The following CDC27 variants were observed in gnomAD, a reference collection of about 807,000 sequenced individuals.
CDC27 encodes the protein cell division cycle 27.
A neutral mutation model predicts 109.7 loss-of-function variants in CDC27; 27 were observed. That is an observed-to-expected ratio of 0.25 (90% CI 0.18 to 0.34). The LOEUF (loss-of-function observed/expected upper bound fraction) is 0.34. Among genes scored for constraint, CDC27 ranks in the 10% least tolerant of loss-of-function variants. The pLI, the probability that CDC27 is intolerant of heterozygous loss-of-function variation, is 1.00. For synonymous variants in CDC27, 266 were observed against 333.9 expected, an observed-to-expected ratio of 0.80 and a Z score of 2.22; for missense variants, 579 against 960.2, an observed-to-expected ratio of 0.60 and a Z score of 5.25.
intron 4 of CDC27, among the ~76,000 whole-genome samples, chr17:47,167,935 G>C (rs1268794220): frequency 6.6e-6 from 1 of 152,194 alleles, no homozygotes; most frequent in Admixed American, 6.5e-5. Flanking sequence ...ATTCAGGTTT[G>C]ATGAATTTGC....
intron 4 of CDC27, chr17:47,159,162 A>T: frequency 2.7e-6 from 1 of 376,274 alleles, no homozygotes; most frequent in Non-Finnish European, 4.8e-6. Context: ...TCCAGGCTTA[A>T]TTCACTTTAT....
At chr17:47,186,730 G>A (rs1326757676) in intron 1 of CDC27, among the ~76,000 whole-genome samples, 1 of 151,758 alleles carries the variant, frequency 6.6e-6, no homozygotes, top group South Asian at 2.1e-4. Context: ...ATGGTATATC[G>A]GACTGGCCAT....
intron 15 of CDC27, 109 bp downstream of exon 15, chr17:47,132,148 A>T: frequency 1.6e-6 from 1 of 619,822 alleles, no homozygotes; most frequent in Non-Finnish European, 2.9e-6. Context: ...GCTCCAGAAT[A>T]CTGTTTCAAC....
intron 14 of CDC27, among the ~76,000 whole-genome samples, chr17:47,134,292 CT>C (rs2062497092): frequency 6.7e-6 from 1 of 148,740 alleles, no homozygotes; most frequent in African/African-American, 2.5e-5. Context: ...AACCACACCC[CT>C]AAACCCATAT....
chr17:47,141,643 C>A (rs969342345), intron 12 of CDC27, among the ~76,000 whole-genome samples: 1 of 152,084 alleles, frequency 6.6e-6, no homozygotes, highest in Admixed American at 6.6e-5. Flanking sequence ...TCTCTATAAA[C>A]CTATTCCGAG....
chr17:47,181,685 C>T (rs1428571078), intron 1 of CDC27, 48 bp from the exon 2 acceptor site: 1 of 1,027,756 alleles, frequency 9.7e-7, no homozygotes, highest in Non-Finnish European at 1.5e-6. Context: ...TACAGACTTT[C>T]AAGGTAACTA....
intron 16 of CDC27, among the ~76,000 whole-genome samples, chr17:47,126,535 C>G (rs2062145524): frequency 6.6e-6 from 1 of 152,130 alleles, no homozygotes; most frequent in Non-Finnish European, 1.5e-5. Flanking sequence ...ACAAAAATGG[C>G]TATCACTATA....
intron 14 of CDC27, 55 bp from the exon 15 acceptor site, chr17:47,132,429 T>G: frequency 1.3e-6 from 1 of 750,848 alleles, no homozygotes; most frequent in Non-Finnish European, 2.1e-6. Context: ...GGTTGCTAAT[T>G]TAGTTCAATT....
chr17:47,178,001 G>A (rs1457856484), intron 2 of CDC27, among the ~76,000 whole-genome samples: 1 of 152,090 alleles, frequency 6.6e-6, no homozygotes, highest in East Asian at 1.9e-4. Context: ...ATTAACAAAA[G>A]AGAAAAACCT....
intron 14 of CDC27, among the ~76,000 whole-genome samples, chr17:47,133,599 C>G (rs2062466168): frequency 6.6e-6 from 1 of 151,598 alleles, no homozygotes; most frequent in Admixed American, 6.6e-5. Flanking sequence ...GCCACCACAC[C>G]CAGCTAATTT....
chr17:47,146,405 T>C (rs1286111919), intron 9 of CDC27, among the ~76,000 whole-genome samples: 1 of 152,174 alleles, frequency 6.6e-6, no homozygotes, highest in Non-Finnish European at 1.5e-5. Flanking sequence ...TGTGCTAAGT[T>C]TGGGTAGTTA....
Position 47,127,410 on chromosome 17 carries a change from G to GT in CDC27, c.2160+1982dup, listed in dbSNP as rs547568828. Among the ~76,000 whole-genome samples, 875 of 150,578 alleles carry GT rather than the reference G, an allele frequency of 5.8e-3. 6 individuals carry two copies. Among genetic ancestry groups the GT allele is most frequent in the Admixed American group, 8.8e-3 (133 of 15,060 alleles). On this transcript the variant is annotated intron_variant, in intron 16 of 18. Coordinates refer to ENST00000066544, the MANE Select transcript of CDC27 (RefSeq NM_001256.6). ...TATATCTTTATTAGCCTATTTTTAC[G>GT]TTTTTTTTTGAGATGGAGTTTCACT...
chr17:47,138,572 C>T (rs1243217285), intron 13 of CDC27, among the ~76,000 whole-genome samples, 167 bp downstream of exon 13: 1 of 152,160 alleles, frequency 6.6e-6, no homozygotes, highest in Non-Finnish European at 1.5e-5. Flanking sequence ...CTGCACCACA[C>T]ATTCTAGGAC....
chr17:47,151,276 G>T (rs1817665270), intron 9 of CDC27, among the ~76,000 whole-genome samples: 1 of 152,158 alleles, frequency 6.6e-6, no homozygotes. Flanking sequence ...ATGCACACCT[G>T]TGTGTATGTC....
At chr17:47,134,785 CTTT>C (rs376654308) in intron 14 of CDC27, among the ~76,000 whole-genome samples, 1 of 125,004 alleles carries the variant, frequency 8.0e-6, no homozygotes. Flanking sequence ...TAATTGTTTT[CTTT>C]TTTTTTTTTT....
In CDC27 at chr17:47,137,224, G is replaced by A. The variant is rs1228643540; in HGVS notation, c.1841C>T (p.Thr614Ile). ...AGCTAATGCTTTGTCCAATTCTTCA[G>A]TTAAGACAAACTCATGCCCTAATAG... ...YTLLGHEFVL[T>I]EELDKALACF... Residue 614 changes from threonine (T) to isoleucine (I), a missense_variant, in exon 14 of 19, where the codon ACT becomes ATT. By Grantham distance (89) the Thr-to-Ile change is moderately conservative. This residue lies in a region of CDC27 where 227 missense variants were observed against 363.6 expected (regional missense o/e 0.62). Coordinates refer to ENST00000066544, the MANE Select transcript of CDC27 (RefSeq NM_001256.6). 6.2e-7 allele frequency: 1 copy of A among 1,611,816 alleles called. No individual in the cohort carries two copies.
chr17:47,133,028 T>TATATATACAC (rs1555783886), intron 14 of CDC27, among the ~76,000 whole-genome samples: 26 of 29,808 alleles, frequency 8.7e-4, no homozygotes, highest in African/African-American at 1.3e-3. Context: ...TATATATATA[T>TATATATACAC]ACACACACAC....
At chr17:47,154,536 C>A (rs974624650) in intron 8 of CDC27, 136 bp downstream of exon 8, 10 of 567,404 alleles carry the variant, frequency 1.8e-5, no homozygotes, top group Non-Finnish European at 3.1e-5. Context: ...ATTTAGATCA[C>A]CCTCTACCTG....
At chr17:47,173,229 C>T (rs936810683) in intron 2 of CDC27, among the ~76,000 whole-genome samples, 1 of 152,082 alleles carries the variant, frequency 6.6e-6, no homozygotes. Flanking sequence ...TATGTGCAAG[C>T]AAAAACCAAC....
Sources: allele counts gnomAD v4.1 joint callset (sites outside exome capture counted in the v4.1 genomes callset), GRCh38; gene constraint gnomAD v4.1.1; regional missense constraint gnomAD v4.1.1; transcripts MANE v1.5; gene names NCBI Gene and HGNC (gene_info 2026-07-23, HGNC 2026-07-21).